Variants in SIPA1L2 observed in about 807,000 individuals in gnomAD.
The protein encoded by SIPA1L2 is signal-induced proliferation-associated 1-like protein 2.
Under a neutral mutation model 163.9 loss-of-function variants are expected in SIPA1L2, and 56 were observed. The ratio of observed to expected loss-of-function variants is 0.34; its 90% CI spans 0.28 to 0.43. The LOEUF (loss-of-function observed/expected upper bound fraction) is 0.43, where lower values mean the gene tolerates loss of function less well. Ranked by LOEUF, SIPA1L2 falls within the 20% of genes least tolerant of loss-of-function variation. The pLI is 1.00. For synonymous variants in SIPA1L2, 877 were observed against 865.7 expected (o/e 1.01, Z -0.23); for missense variants, 1,974 against 2,193.5 (o/e 0.90, Z 2.00).
chr1:232,578,183 G>C (rs1420018779), intron 1 of SIPA1L2, among the ~76,000 whole-genome samples: 1 of 151,952 alleles, frequency 6.6e-6, no homozygotes, highest in Non-Finnish European at 1.5e-5. Flanking sequence ...ATTAAGGTTT[G>C]CACATTTTTT....
At chr1:232,537,685 C>T (rs1657398259) in intron 2 of SIPA1L2, among the ~76,000 whole-genome samples, 1 of 152,130 alleles carries the variant, frequency 6.6e-6, no homozygotes, top group Admixed American at 6.6e-5. Context: ...ACTTACTAGA[C>T]CATGTGTAGA....
intron 5 of SIPA1L2, among the ~76,000 whole-genome samples, chr1:232,487,927 C>CAG (rs1264137811): frequency 7.1e-6 from 1 of 139,934 alleles, no homozygotes; most frequent in Non-Finnish European, 1.5e-5. Flanking sequence ...GTTACACACA[C>CAG]ACACACACAC....
At position 232,427,686 on chromosome 1, in the gene SIPA1L2, G is replaced by A. The variant is rs550325536; in HGVS notation, c.4410+725C>T. 2.6e-5 allele frequency among the ~76,000 whole-genome samples: 4 copies of A among 152,332 alleles called. No homozygotes were observed. In the South Asian group the frequency reaches 8.3e-4, roughly 32 times the overall value. ...TGGCTTAAGAGATTGCAATAATAAT[G>A]AAACTGAAGCCAATAAGCAAGCTAA... On this transcript the variant is annotated intron_variant, in intron 17 of 22. Coordinates refer to ENST00000674635, the MANE Select transcript of SIPA1L2 (RefSeq NM_020808.5).
chr1:232,627,660 T>C (rs566910015), intron 1 of SIPA1L2, among the ~76,000 whole-genome samples: 1 of 152,346 alleles, frequency 6.6e-6, no homozygotes, highest in Admixed American at 6.5e-5. Flanking sequence ...TTAAAGCTCT[T>C]TGAGAAAATC....
chr1:232,485,450 T>A (rs918025774), intron 5 of SIPA1L2, among the ~76,000 whole-genome samples: 1 of 152,182 alleles, frequency 6.6e-6, no homozygotes, highest in Non-Finnish European at 1.5e-5. Context: ...ACCCAGAGAT[T>A]GAGGAATCAA....
At chr1:232,547,690 G>A (rs1004114376) in intron 2 of SIPA1L2, among the ~76,000 whole-genome samples, 4 of 152,034 alleles carry the variant, frequency 2.6e-5, no homozygotes, top group African/African-American at 7.2e-5. Context: ...CAAATCCTAC[G>A]TTATTCAAAG....
At chr1:232,544,302 C>G (rs965993673) in intron 2 of SIPA1L2, among the ~76,000 whole-genome samples, 1 of 152,176 alleles carries the variant, frequency 6.6e-6, no homozygotes, top group South Asian at 2.1e-4. Context: ...TGGCTCATGC[C>G]TGTAATCCCA....
At chr1:232,419,966 A>G (rs1224876095) in intron 18 of SIPA1L2, among the ~76,000 whole-genome samples, 3 of 152,196 alleles carry the variant, frequency 2.0e-5, no homozygotes, top group Non-Finnish European at 4.4e-5. Context: ...TCCTTCAAAG[A>G]GCCCTGTCAA....
intron 2 of SIPA1L2, among the ~76,000 whole-genome samples, chr1:232,564,328 G>A (rs1306367551): frequency 1.4e-5 from 2 of 146,508 alleles, no homozygotes; most frequent in Non-Finnish European, 3.0e-5. Flanking sequence ...GCAATGGTGC[G>A]ATCTTGGCTC....
intron 10 of SIPA1L2, among the ~76,000 whole-genome samples, chr1:232,447,445 T>C (rs1455478647): frequency 1.3e-5 from 2 of 152,228 alleles, no homozygotes; most frequent in Non-Finnish European, 2.9e-5. Flanking sequence ...TCCATAAGAT[T>C]TGCTGACTGT....
At chr1:232,597,523 C>CAAA (rs66718972) in intron 1 of SIPA1L2, among the ~76,000 whole-genome samples, 88 of 126,766 alleles carry the variant, frequency 6.9e-4, no homozygotes, top group African/African-American at 2.5e-3. Flanking sequence ...TAAAAAATAC[C>CAAA]AAAAAAAAAA....
intron 2 of SIPA1L2, among the ~76,000 whole-genome samples, chr1:232,549,311 A>G (rs572471031): frequency 6.6e-6 from 1 of 152,190 alleles, no homozygotes; most frequent in Non-Finnish European, 1.5e-5. Context: ...AGGACTCGAC[A>G]GCAGATGTTC....
At chr1:232,550,545 T>C (rs892029580) in intron 2 of SIPA1L2, among the ~76,000 whole-genome samples, 24 of 152,328 alleles carry the variant, frequency 1.6e-4, no homozygotes, top group African/African-American at 5.5e-4. Flanking sequence ...GAAGAACATT[T>C]GGAAAAACAG....
intron 2 of SIPA1L2, among the ~76,000 whole-genome samples, chr1:232,570,639 A>G (rs955512012): frequency 3.3e-5 from 5 of 152,174 alleles, no homozygotes; most frequent in South Asian, 2.1e-4. Context: ...AAAAAAGACT[A>G]CCTGGGACAC....
intron 1 of SIPA1L2, among the ~76,000 whole-genome samples, chr1:232,606,963 TA>T (rs1661956057): frequency 6.6e-6 from 1 of 152,076 alleles, no homozygotes; most frequent in African/African-American, 2.4e-5. Flanking sequence ...AAATATTTGC[TA>T]ATTACTTGCC....
rs528761227 is a variant in SIPA1L2, at chr1:232,620,034, G to A, written c.-319+9835C>T. Among the ~76,000 whole-genome samples, 10 of 152,198 alleles carry A rather than the reference G, an allele frequency of 6.6e-5. 1 individual carries two copies. The South Asian group carries it at 2.1e-3, about 32-fold the overall frequency. On this transcript the variant is annotated intron_variant, in intron 1 of 22. Coordinates refer to ENST00000674635, the MANE Select transcript of SIPA1L2 (RefSeq NM_020808.5). ...TGAGTAGCTGGGATTACAGGCACGC[G>A]CTGCCAAGCCTGGCTAATTTTTGTA...
chr1:232,471,366 C>T lies in SIPA1L2; in HGVS notation c.2243+5G>A. 6.2e-7 allele frequency: 1 copy of T among 1,610,220 alleles called. No individual in the cohort carries two copies. The highest frequency in any genetic ancestry group is 8.5e-7 in the Non-Finnish European group (1 of 1,178,726). ...AGAATGATAGATCAGGGATGACTGA[C>T]TCACCTATAACACACATTTTCGGTA... On this transcript the variant is annotated splice_donor_5th_base_variant and intron_variant, in intron 8 of 22. Transcript: ENST00000674635.
In SIPA1L2 at chr1:232,493,661, C is replaced by T; in HGVS notation, c.1484-1G>A. On this transcript the variant is annotated splice_acceptor_variant, in intron 3 of 22. Coordinates refer to ENST00000674635, the MANE Select transcript of SIPA1L2 (RefSeq NM_020808.5). LOFTEE classifies it high-confidence loss of function. ...TCTATTCCAAAGTAGTTTTGGTGCT[C>T]TATAATGGAAGAGAGAGGGTGGCAT... The T allele has an allele frequency of 6.2e-7, 1 of 1,613,876 alleles. No homozygotes were observed. The highest frequency in any genetic ancestry group is 8.5e-7 in the Non-Finnish European group (1 of 1,179,938).
intron 12 of SIPA1L2, among the ~76,000 whole-genome samples, chr1:232,443,396 C>A (rs1663020039): frequency 6.6e-6 from 1 of 152,176 alleles, no homozygotes; most frequent in African/African-American, 2.4e-5. Flanking sequence ...AAGGAAAAAA[C>A]AGGCTGAGAA....
Sources: gnomAD v4.1 joint callset for allele counts (sites outside exome capture counted in the v4.1 genomes callset) on GRCh38, gnomAD v4.1.1 for gene constraint, MANE v1.5 for transcripts, NCBI Gene and HGNC (gene_info 2026-07-23, HGNC 2026-07-21) for gene names.